The following MYBBP1A variants were observed in gnomAD, a reference collection of about 807,000 sequenced individuals.
MYBBP1A encodes the protein MYB binding protein 1a, also known as myb-binding protein 1A.
In MYBBP1A, 147 loss-of-function variants were observed where a neutral mutation model predicts 136.3. The observed-to-expected ratio is 1.08, with a 90% CI of 0.94 to 1.24. The LOEUF (loss-of-function observed/expected upper bound fraction) is 1.24, where lower values mean the gene tolerates loss of function less well. Ranked by LOEUF, MYBBP1A falls within the 50% of genes most tolerant of loss-of-function variation. MYBBP1A has a pLI of 0.00. For missense variants in MYBBP1A, 2,060 were observed against 1,727.4 expected, an observed-to-expected ratio of 1.19 and a Z score of -3.41; for synonymous variants, 947 against 735.8, an observed-to-expected ratio of 1.29 and a Z score of -4.65.
In MYBBP1A at chr17:4,539,637, GT is replaced by G; in HGVS notation, c.3764del (p.Asn1255ThrfsTer7). On this transcript the variant is annotated frameshift_variant, in exon 26 of 26. Transcript: ENST00000254718. LOFTEE classifies it low-confidence loss of function (END_TRUNC). Reference sequence around the variant, plus strand: ...CTCCATTCACCTGGGACGGCTTCTGGTTTTTCTTCTGCAGTTTTGGGGATTT... The same window carrying G: ...CTCCATTCACCTGGGACGGCTTCTGGTTTTCTTCTGCAGTTTTGGGGATTT... ...PAKSPKLQKKNQKPSQVNGAP... is the reference protein window; with the variant it reads ...PAKSPKLQKKXQKPSQVNGAP... 1 of 1,612,812 alleles carries G rather than the reference GT, an allele frequency of 6.2e-7. No individual in the cohort carries two copies. Among genetic ancestry groups the G allele is most frequent in the Non-Finnish European group, 8.5e-7 (1 of 1,179,160 alleles).
Position 4,545,667 on chromosome 17 carries a change from G to C in MYBBP1A, c.2016C>G (p.Ser672Arg). ...PSHLMRQVARSVFGHICSHLT... is the reference protein window; with the variant it reads ...PSHLMRQVARRVFGHICSHLT... ...GGTGGGAGCAGATGTGGCCAAACAC[G>C]CTCCGGGCCACCTGGCGCATGAGGT... The change falls in exon 15 of 26, where the codon AGC (serine) becomes AGG (arginine). Residue 672 changes from serine to arginine, a missense_variant. Ser to Arg is a moderately radical substitution (Grantham distance 110). Coordinates refer to ENST00000254718, the MANE Select transcript of MYBBP1A (RefSeq NM_014520.4). 1 of 1,611,208 alleles carries C rather than the reference G, an allele frequency of 6.2e-7. No homozygotes were observed. The highest frequency in any genetic ancestry group is 8.5e-7 in the Non-Finnish European group (1 of 1,178,140).
rs139129692 is a variant in MYBBP1A at position 4,545,624 on chromosome 17, G to C, written c.2059C>G (p.Gln687Glu). 29 of 1,591,596 alleles carry C rather than the reference G, an allele frequency of 1.8e-5. No individual in the cohort carries two copies. In the African/African-American group the frequency reaches 3.6e-4, roughly 20 times the overall value. Reference sequence around the variant, plus strand: ...TCCCAACTCACATCCAGAATTAGCTGCAGGGCACGCGGGGTCAGGTGGGAG... The same window carrying C: ...TCCCAACTCACATCCAGAATTAGCTCCAGGGCACGCGGGGTCAGGTGGGAG... ...ICSHLTPRALQLILDVLNPET... is the reference protein window; with the variant it reads ...ICSHLTPRALELILDVLNPET... The change falls in exon 15 of 26, where the codon CAG becomes GAG. Residue 687 changes from glutamine to glutamate, a missense_variant. Transcript: ENST00000254718.
In MYBBP1A at chr17:4,539,862, C is replaced by T. The variant is rs139652899; in HGVS notation, c.3540G>A (p.Lys1180=). The part of the protein sequence containing the change: ...KKKGFLPETK[K]RKKRKSEDGT... ...CATCCTCTGACTTGCGTTTCTTGCG[C>T]TTCTTCGTCTCTGGCAAGAATCCCT... Residue 1180 remains lysine, a synonymous_variant, in exon 26 of 26, where the codon AAG becomes AAA. Transcript: ENST00000254718. The T allele has an allele frequency of 1.5e-5, 24 of 1,606,406 alleles. No homozygotes were observed. The highest frequency in any genetic ancestry group is 4.0e-5 in the African/African-American group (3 of 74,894).
intron 9 of MYBBP1A, among the ~76,000 whole-genome samples, 156 bp from the exon 10 acceptor site, chr17:4,549,598 G>C (rs1273310868): frequency 6.6e-6 from 1 of 152,068 alleles, no homozygotes; most frequent in Non-Finnish European, 1.5e-5. Flanking sequence ...CCAACACGGT[G>C]AAACCCCATC....
intron 13 of MYBBP1A, among the ~76,000 whole-genome samples, chr17:4,547,361 G>T (rs1907099294): frequency 6.6e-6 from 1 of 152,168 alleles, no homozygotes; most frequent in South Asian, 2.1e-4. Context: ...TCAAGAATTG[G>T]AAGGGGCATC....
chr17:4,541,367 C>T, intron 24 of MYBBP1A, 96 bp downstream of exon 24: 5 of 1,092,428 alleles, frequency 4.6e-6, no homozygotes, highest in Non-Finnish European at 5.5e-6. Flanking sequence ...GACCCCCATC[C>T]CTGCAGTCCA....
chr17:4,547,071 C>G lies in MYBBP1A; in HGVS notation c.1824+887G>C, dbSNP rs76671352. Among the ~76,000 whole-genome samples the G allele has an allele frequency of 2.0e-5, 3 of 152,224 alleles. No individual in the cohort carries two copies. In the East Asian group the frequency reaches 5.8e-4, roughly 29 times the overall value. On this transcript the variant is annotated intron_variant, in intron 13 of 25. Transcript: ENST00000254718. ...GGATTACAGGCACCTGCCACCACAC[C>G]TGGCTAATTTTTGTATTTTAGTAGA...
In MYBBP1A at chr17:4,539,643, C is replaced by A; in HGVS notation, c.3759G>T (p.Lys1253Asn). 2 of 1,612,508 alleles carry A rather than the reference C, an allele frequency of 1.2e-6. No homozygotes were observed. Among genetic ancestry groups the A allele is most frequent in the Non-Finnish European group, 1.7e-6 (2 of 1,178,926 alleles). The change falls in exon 26 of 26, where the codon AAG becomes AAT. Residue 1253 changes from lysine to asparagine, a missense_variant. Lys to Asn is a moderately conservative substitution (Grantham distance 94). Transcript: ENST00000254718. The stretch of plus-strand genomic sequence containing the variant: ...TCACCTGGGACGGCTTCTGGTTTTT[C>A]TTCTGCAGTTTTGGGGATTTGGCAG... ...STPAKSPKLQ[K>N]KNQKPSQVNG...
At chr17:4,545,458 A>AGGT (rs1597382763) in intron 15 of MYBBP1A, 113 bp from the exon 16 acceptor site, 5 of 1,516,528 alleles carry the variant, frequency 3.3e-6, no homozygotes, top group East Asian at 2.4e-5. Flanking sequence ...AGCCTAGGAG[A>AGGT]GGCGGCCAGG....
intron 20 of MYBBP1A, 46 bp downstream of exon 20, chr17:4,542,867 T>TGGCTGTGAAATGCCTGG (rs1228605442): frequency 1.3e-5 from 21 of 1,609,054 alleles, no homozygotes; most frequent in Non-Finnish European, 1.4e-5. Flanking sequence ...CTCCACTCCC[T>TGGCTGTGAAATGCCTGG]GGCTGTGAAA....
At position 4,551,973 on chromosome 17, in the gene MYBBP1A, G is replaced by T; in HGVS notation, c.930C>A (p.Gly310=). The T allele has an allele frequency of 6.2e-7, 1 of 1,610,798 alleles. No homozygotes were observed. The change falls in exon 8 of 26, where the codon GGC becomes GGA. Residue 310 remains glycine, a synonymous_variant. Coordinates refer to ENST00000254718, the MANE Select transcript of MYBBP1A (RefSeq NM_014520.4). ...CCTTGGTCAGCAGGGGCAGGGCCGC[G>T]CCCAGCAGGCGGAAACACAGGTAGC... ...PASYLCFRLL[G]AALPLLTKEQ...
chr17:4,555,006 G>A (rs778489640), intron 1 of MYBBP1A, 50 bp from the exon 2 acceptor site: 7 of 1,603,710 alleles, frequency 4.4e-6, no homozygotes, highest in Middle Eastern at 1.7e-4. Context: ...CAAGGTGCAC[G>A]CCCCCGCGCA....
Position 4,552,137 on chromosome 17 carries a change from A to G in MYBBP1A, c.893T>C (p.Phe298Ser), listed in dbSNP as rs774218238. The G allele has an allele frequency of 1.2e-6, 2 of 1,614,102 alleles. No homozygotes were observed. The highest frequency in any genetic ancestry group is 2.7e-5 in the African/African-American group (2 of 75,074). ...GCGTCGCCCGCACCTGGCTGGCCAG[A>G]ACTGCATCTTCAGCAGCCCTTGTTC... The part of the protein sequence containing the change: ...VVEQGLLKMQ[F>S]WPASYLCFRL... Residue 298 changes from phenylalanine to serine, a missense_variant, in exon 7 of 26, where the codon TTC becomes TCC. By Grantham distance (155) the Phe-to-Ser change is radical (BLOSUM62 -2). Transcript: ENST00000254718. This position sits in a 1 kb window ranked among gnomAD's most constrained non-coding sequence, Gnocchi z 4.7.
At position 4,544,513 on chromosome 17, in the gene MYBBP1A, A is replaced by G; in HGVS notation, c.2615T>C (p.Leu872Pro). 1 of 1,552,956 alleles carries G rather than the reference A, an allele frequency of 6.4e-7. No homozygotes were observed. Among genetic ancestry groups the G allele is most frequent in the Non-Finnish European group, 8.7e-7 (1 of 1,148,844 alleles). The change falls in exon 19 of 26, where the codon CTG (leucine) becomes CCG (proline). Residue 872 changes from leucine to proline, a missense_variant. Transcript: ENST00000254718. ...CGTGAAGATGCGCGCCGTCTTGTGC[A>G]GAAGGTCCTGCTCCTGTTTGGAGCT... is the stretch of plus-strand genomic sequence containing the variant. ...SSSSKQEQDL[L>P]HKTARIFTHH... is the part of the protein sequence containing the mutation.
rs761015823 is a variant in MYBBP1A at position 4,544,920 on chromosome 17, C to T, written c.2312G>A (p.Gly771Asp). 2.8e-5 allele frequency: 44 copies of T among 1,598,018 alleles called. No homozygotes were observed. The highest frequency in any genetic ancestry group is 3.3e-5 in the Non-Finnish European group (39 of 1,170,938). ...MTVLQAGKALGGEDSENEEEL... is the reference protein window; with the variant it reads ...MTVLQAGKALDGEDSENEEEL... ...CTCCTCGTTCTCACTGTCCTCTCCA[C>T]CCTGAGGGACAGAGGCCCAGCGGTC... Residue 771 changes from glycine (G) to aspartate (D), a missense_variant and splice_region_variant, in exon 18 of 26, where the codon GGT (glycine) becomes GAT (aspartate). Physicochemically the swap from Gly to Asp is moderately conservative, Grantham distance 94. Coordinates refer to ENST00000254718, the MANE Select transcript of MYBBP1A (RefSeq NM_014520.4).
chr17:4,550,160 TAGCCCTGCAGGGCCGGAG>T lies in MYBBP1A; in HGVS notation c.1199_1216del (p.Pro400_Tyr406delinsHis), dbSNP rs758518406. 6.2e-7 allele frequency: 1 copy of T among 1,613,964 alleles called. No homozygotes were observed. Among genetic ancestry groups the T allele is most frequent in the South Asian group, 1.1e-5 (1 of 91,086 alleles). ...AAACATGGCCCGCAGCCAGGCCACATAGCCCTGCAGGGCCGGAGGGCTCAGGAACCGCACGACCCGCCA... is the reference window on the plus strand; with the variant it reads ...AAACATGGCCCGCAGCCAGGCCACATGGCTCAGGAACCGCACGACCCGCCA... On this transcript the variant is annotated inframe_deletion, in exon 9 of 26. Coordinates refer to ENST00000254718, the MANE Select transcript of MYBBP1A (RefSeq NM_014520.4).
chr17:4,555,368 C>A lies in MYBBP1A; in HGVS notation c.-44G>T. The A allele has an allele frequency of 6.4e-7, 1 of 1,554,304 alleles. No homozygotes were observed. Among genetic ancestry groups the A allele is most frequent in the East Asian group, 2.4e-5 (1 of 41,688 alleles). On this transcript the variant is annotated 5_prime_UTR_variant, in exon 1 of 26. Transcript: ENST00000254718. Reference sequence around the variant, plus strand: ...AACACGAAACACGTGTGCTCCGGCCCCAGCCGCTTCCAGGTCAGGGCACGG... The same window carrying A: ...AACACGAAACACGTGTGCTCCGGCCACAGCCGCTTCCAGGTCAGGGCACGG...
At chr17:4,542,250 C>G in intron 22 of MYBBP1A, 2 of 607,498 alleles carry the variant, frequency 3.3e-6, no homozygotes, top group Non-Finnish European at 5.7e-6. Flanking sequence ...GCTGGCCCTG[C>G]CCCCTCAGCT....
intron 15 of MYBBP1A, 116 bp from the exon 16 acceptor site, chr17:4,545,461 C>CCA: frequency 4.0e-6 from 6 of 1,506,690 alleles, no homozygotes; most frequent in East Asian, 2.4e-5. Context: ...CTAGGAGAGG[C>CCA]GGCCAGGCCA....
Sources: allele counts gnomAD v4.1 joint callset (sites outside exome capture counted in the v4.1 genomes callset), GRCh38; gene constraint gnomAD v4.1.1; non-coding constraint Gnocchi (gnomAD v3.1); transcripts MANE v1.5; gene names NCBI Gene and HGNC (gene_info 2026-07-23, HGNC 2026-07-21).